Variants in DMRTA1 observed in about 807,000 individuals in gnomAD.
DMRTA1 encodes the protein DMRT like family A1, also known as doublesex- and mab-3-related transcription factor A1.
A neutral mutation model predicts 35.2 loss-of-function variants in DMRTA1; 34 were observed. The observed-to-expected ratio is 0.97, with a 90% confidence interval of 0.74 to 1.29. The LOEUF (loss-of-function observed/expected upper bound fraction) is 1.29. DMRTA1 is among the 50% of genes most tolerant of loss of function. The pLI, the probability that DMRTA1 is intolerant of heterozygous loss-of-function variation, is 0.00. For missense variants in DMRTA1, 824 were observed against 644.6 expected (o/e 1.28, Z -3.01); for synonymous variants, 344 against 276.6 (o/e 1.24, Z -2.42).
chr9:22,449,355 T>C (rs774185947), intron 1 of DMRTA1, among the ~76,000 whole-genome samples: 1 of 152,108 alleles, frequency 6.6e-6, no homozygotes, highest in Non-Finnish European at 1.5e-5. Context: ...TAATATACAA[T>C]GATAAATGCA....
chr9:22,451,307 A>G lies in DMRTA1; in HGVS notation c.911A>G (p.Asn304Ser). 1 of 1,614,148 alleles carries G rather than the reference A, an allele frequency of 6.2e-7. No homozygotes were observed. The highest frequency in any genetic ancestry group is 2.2e-5 in the East Asian group (1 of 44,886). Residue 304 changes from asparagine (N) to serine (S), a missense_variant, in exon 2 of 2, where the codon AAT (asparagine) becomes AGT (serine). By Grantham distance (46) the Asn-to-Ser change is conservative. Coordinates refer to ENST00000325870, the MANE Select transcript of DMRTA1 (RefSeq NM_022160.3). ...TCATCCTCTGATCTGGAATCAGGAA[A>G]TGAAAGTGAATGGGTCAAAGACTTG... ...SLSSSDLESG[N>S]ESEWVKDLTA... is the part of the protein sequence containing the mutation.
In DMRTA1 at chr9:22,452,059, C is replaced by G; in HGVS notation, c.*148C>G. The G allele has an allele frequency of 1.2e-6, 1 of 865,970 alleles. No homozygotes were observed. Among genetic ancestry groups the G allele is most frequent in the Non-Finnish European group, 1.7e-6 (1 of 590,216 alleles). The allele number at this position is 865,970 out of a possible 1,614,324, so 53.6% of individuals were successfully genotyped here. A position where few individuals can be genotyped will look rare whatever the true frequency, so the allele number is the denominator to read the frequency against. On this transcript the variant is annotated 3_prime_UTR_variant, in exon 2 of 2. Transcript: ENST00000325870. Reference sequence around the variant, plus strand: ...AATGCTGGGTTTTTTTTTTTTCAAGCAATATAATAGGTCTTAGATCTGAAA... The same window carrying G: ...AATGCTGGGTTTTTTTTTTTTCAAGGAATATAATAGGTCTTAGATCTGAAA...
intron 1 of DMRTA1, among the ~76,000 whole-genome samples, chr9:22,448,119 A>C (rs2117951774): frequency 2.0e-5 from 3 of 152,094 alleles, no homozygotes; most frequent in Non-Finnish European, 4.4e-5. Context: ...TCTGCTCTGT[A>C]CTCTTTCCAG....
In DMRTA1 at chr9:22,451,684, C is replaced by G. The variant is rs1280746328; in HGVS notation, c.1288C>G (p.Pro430Ala). Residue 430 changes from proline (P) to alanine (A), a missense_variant, in exon 2 of 2, where the codon CCT becomes GCT. Pro to Ala is a conservative substitution (Grantham distance 27, BLOSUM62 -1). Transcript: ENST00000325870. ...TGATTCAAGTCTCTACGGCGTAAATCCTAGAGTAGGTATCAGTCCATTAAG... is the reference window on the plus strand; with the variant it reads ...TGATTCAAGTCTCTACGGCGTAAATGCTAGAGTAGGTATCAGTCCATTAAG... ...GGDSSLYGVN[P>A]RVGISPLRLA... 6.2e-7 allele frequency: 1 copy of G among 1,613,948 alleles called. No individual in the cohort carries two copies. The highest frequency in any genetic ancestry group is 1.3e-5 in the African/African-American group (1 of 74,908).
Position 22,447,376 on chromosome 9 carries a change from G to T in DMRTA1, c.311G>T (p.Gly104Val). 1 of 1,551,280 alleles carries T rather than the reference G, an allele frequency of 6.4e-7. No homozygotes were observed. Among genetic ancestry groups the T allele is most frequent in the South Asian group, 1.2e-5 (1 of 84,366 alleles). Residue 104 changes from glycine (G) to valine (V), a missense_variant, in exon 1 of 2, where the codon GGT becomes GTT. Physicochemically the swap from Gly to Val is moderately radical, Grantham distance 109. Transcript: ENST00000325870. ...AAGTGCGCCCGCTGTCGTAACCATG[G>T]TGTGGTGTCAGCGCTCAAGGGCCAC... is the stretch of plus-strand genomic sequence containing the variant. ...TPKCARCRNHGVVSALKGHKR... is the reference protein window; with the variant it reads ...TPKCARCRNHVVVSALKGHKR...
In DMRTA1 at chr9:22,451,894, A is replaced by C; in HGVS notation, c.1498A>C (p.Asn500His). 2 of 1,613,894 alleles carry C rather than the reference A, an allele frequency of 1.2e-6. No homozygotes were observed. Among genetic ancestry groups the C allele is most frequent in the Non-Finnish European group, 1.7e-6 (2 of 1,179,832 alleles). The change falls in exon 2 of 2, where the codon AAT becomes CAT. Residue 500 changes from asparagine (N) to histidine (H), a missense_variant. Asn to His is a moderately conservative substitution (Grantham distance 68). Coordinates refer to ENST00000325870, the MANE Select transcript of DMRTA1 (RefSeq NM_022160.3). The part of the protein sequence containing the change: ...ITCGRLYFRP[N>H]QDNP ...TTGTGGCAGACTGTACTTCAGACCAAATCAGGACAATCCGTAATGTATATG... is the reference window on the plus strand; with the variant it reads ...TTGTGGCAGACTGTACTTCAGACCACATCAGGACAATCCGTAATGTATATG...
chr9:22,447,686 C>T lies in DMRTA1; in HGVS notation c.621C>T (p.Thr207=), dbSNP rs147859516. The T allele has an allele frequency of 2.7e-4, 438 of 1,613,152 alleles. 3 individuals are homozygous for T. In the East Asian group the frequency reaches 9.5e-3, roughly 35 times the overall value. Residue 207 remains threonine (T), a synonymous_variant, in exon 1 of 2, where the codon ACC becomes ACT. Coordinates refer to ENST00000325870, the MANE Select transcript of DMRTA1 (RefSeq NM_022160.3). ...TGAGACAGGCCAGTGGTTCCGCGAC[C>T]CCCGCTTTCGAAGTTTTCCAGCAAG... ...GALRQASGSA[T]PAFEVFQQDY... is the part of the protein sequence containing the mutation.
At position 22,447,355 on chromosome 9, in the gene DMRTA1, G is replaced by A; in HGVS notation, c.290G>A (p.Cys97Tyr). 6.5e-7 allele frequency: 1 copy of A among 1,536,284 alleles called. No homozygotes were observed. Among genetic ancestry groups the A allele is most frequent in the Non-Finnish European group, 8.7e-7 (1 of 1,145,836 alleles). Residue 97 changes from cysteine to tyrosine, a missense_variant, in exon 1 of 2, where the codon TGC (cysteine) becomes TAC (tyrosine). Transcript: ENST00000325870. ...VGCGYPRTPKCARCRNHGVVS... is the reference protein window; with the variant it reads ...VGCGYPRTPKYARCRNHGVVS... ...TGCGGCTACCCGCGGACGCCCAAGT[G>A]CGCCCGCTGTCGTAACCATGGTGTG...
Position 22,447,690 on chromosome 9 carries a change from G to A in DMRTA1, c.625G>A (p.Ala209Thr). Residue 209 changes from alanine (A) to threonine (T), a missense_variant, in exon 1 of 2, where the codon GCT becomes ACT. Coordinates refer to ENST00000325870, the MANE Select transcript of DMRTA1 (RefSeq NM_022160.3). ...ACAGGCCAGTGGTTCCGCGACCCCCGCTTTCGAAGTTTTCCAGCAAGATTA... is the reference window on the plus strand; with the variant it reads ...ACAGGCCAGTGGTTCCGCGACCCCCACTTTCGAAGTTTTCCAGCAAGATTA... Reference protein sequence around the residue: ...LRQASGSATPAFEVFQQDYPE... With the variant: ...LRQASGSATPTFEVFQQDYPE... 1 of 1,613,200 alleles carries A rather than the reference G, an allele frequency of 6.2e-7. No individual in the cohort carries two copies. Among genetic ancestry groups the A allele is most frequent in the Non-Finnish European group, 8.5e-7 (1 of 1,180,002 alleles).
chr9:22,451,611 T>C lies in DMRTA1; in HGVS notation c.1215T>C (p.Asn405=), dbSNP rs372803240. The stretch of plus-strand genomic sequence containing the variant: ...GAATTGGTTTTGGAACTCTAGGTAA[T>C]AAATCAGCTTTCTCTCCTCTTCAAA... ...LAGIGFGTLG[N]KSAFSPLQTT... Residue 405 remains asparagine (N), a synonymous_variant, in exon 2 of 2, where the codon AAT becomes AAC. Transcript: ENST00000325870. The C allele has an allele frequency of 1.8e-5, 29 of 1,614,038 alleles. No homozygotes were observed. Among genetic ancestry groups the C allele is most frequent in the Non-Finnish European group, 2.3e-5 (27 of 1,179,986 alleles).
intron 1 of DMRTA1, among the ~76,000 whole-genome samples, chr9:22,449,354 A>G (rs562718283): frequency 6.6e-6 from 1 of 152,328 alleles, no homozygotes; most frequent in African/African-American, 2.4e-5. Context: ...TTAATATACA[A>G]TGATAAATGC....
Position 22,451,642 on chromosome 9 carries a change from T to C in DMRTA1, c.1246T>C (p.Ser416Pro). The change falls in exon 2 of 2, where the codon TCT becomes CCT. Residue 416 changes from serine (S) to proline (P), a missense_variant. Ser to Pro is a moderately conservative substitution (Grantham distance 74). Coordinates refer to ENST00000325870, the MANE Select transcript of DMRTA1 (RefSeq NM_022160.3). ...AGCTTTCTCTCCTCTTCAAACTACTTCTGCTTCTTATGGAGGTGATTCAAG... is the reference window on the plus strand; with the variant it reads ...AGCTTTCTCTCCTCTTCAAACTACTCCTGCTTCTTATGGAGGTGATTCAAG... ...KSAFSPLQTT[S>P]ASYGGDSSLY... is the part of the protein sequence containing the mutation. 6.2e-7 allele frequency: 1 copy of C among 1,614,136 alleles called. No homozygotes were observed. The highest frequency in any genetic ancestry group is 2.2e-5 in the East Asian group (1 of 44,882).
At chr9:22,447,839 G>A in intron 1 of DMRTA1, 107 bp downstream of exon 1, 1 of 1,364,292 alleles carries the variant, frequency 7.3e-7, no homozygotes, top group Admixed American at 2.1e-5. Flanking sequence ...TTGTTTAAAA[G>A]AAACACTTTA....
rs1332078554 is a variant in DMRTA1 at position 22,454,635 on chromosome 9, C to G, written c.*2724C>G. ...ATGGATGCTGCTTGAAGCCTGAACT[C>G]CTAAGCCACTAATTAGTGGTGGGAA... On this transcript the variant is annotated 3_prime_UTR_variant, in exon 2 of 2. Transcript: ENST00000325870. 2 of 152,098 alleles carry G rather than the reference C, an allele frequency of 1.3e-5. No individual in the cohort carries two copies. Among genetic ancestry groups the G allele is most frequent in the Non-Finnish European group, 2.9e-5 (2 of 68,004 alleles). The allele number at this position is 152,098 out of a possible 1,614,324, so 9.4% of individuals were successfully genotyped here. A position where few individuals can be genotyped will look rare whatever the true frequency, so the allele number is the denominator to read the frequency against.
Position 22,447,011 on chromosome 9 carries a change from T to C in DMRTA1, c.-55T>C. 6.4e-7 allele frequency: 1 copy of C among 1,567,262 alleles called. No homozygotes were observed. Among genetic ancestry groups the C allele is most frequent in the African/African-American group, 1.4e-5 (1 of 72,530 alleles). ...GGCTTCCCCAGCCTCCCAGCAGGGT[T>C]AGCTGCGGTCAGCGCACTTTCCACT... is the stretch of plus-strand genomic sequence containing the variant. On this transcript the variant is annotated 5_prime_UTR_variant, in exon 1 of 2. Coordinates refer to ENST00000325870, the MANE Select transcript of DMRTA1 (RefSeq NM_022160.3).
At position 22,451,270 on chromosome 9, in the gene DMRTA1, C is replaced by T. The variant is rs142995523; in HGVS notation, c.874C>T (p.Pro292Ser). ...PGEQSGGEES[P>S]RSLSSSDLES... ...AGAGCAATCAGGAGGTGAAGAGAGT[C>T]CCAGGTCCTTATCATCCTCTGATCT... The change falls in exon 2 of 2, where the codon CCC becomes TCC. Residue 292 changes from proline (P) to serine (S), a missense_variant. Physicochemically the swap from Pro to Ser is moderately conservative, Grantham distance 74. Transcript: ENST00000325870. 5.2e-4 allele frequency: 833 copies of T among 1,613,946 alleles called. 3 individuals are homozygous for T. Among genetic ancestry groups the T allele is most frequent in the Non-Finnish European group, 6.8e-4 (806 of 1,179,958 alleles).
At chr9:22,448,502 C>T (rs1319553263) in intron 1 of DMRTA1, among the ~76,000 whole-genome samples, 1 of 152,056 alleles carries the variant, frequency 6.6e-6, no homozygotes, top group African/African-American at 2.4e-5. Flanking sequence ...TATTTTTTGA[C>T]TGCGAGTCAG....
rs1818982594 is a variant in DMRTA1 at position 22,454,956 on chromosome 9, A to G, written c.*3045A>G. 1 of 152,192 alleles carries G rather than the reference A, an allele frequency of 6.6e-6. No homozygotes were observed. The highest frequency in any genetic ancestry group is 1.5e-5 in the Non-Finnish European group (1 of 68,022). 9.4% of individuals were successfully genotyped at this position (152,192 alleles called of 1,614,324 possible). A position where few individuals can be genotyped will look rare whatever the true frequency, so the allele number is the denominator to read the frequency against. Reference sequence around the variant, plus strand: ...AATCATTTTGTAGCTCATTAGAAACATGGAAAGTATTTGTTAAATAAATAA... The same window carrying G: ...AATCATTTTGTAGCTCATTAGAAACGTGGAAAGTATTTGTTAAATAAATAA... On this transcript the variant is annotated 3_prime_UTR_variant, in exon 2 of 2. Transcript: ENST00000325870.
chr9:22,446,880 T>A lies in DMRTA1; in HGVS notation c.-186T>A. The A allele has an allele frequency of 1.4e-6, 1 of 698,104 alleles. No homozygotes were observed. Among genetic ancestry groups the A allele is most frequent in the Non-Finnish European group, 2.3e-6 (1 of 441,224 alleles). The allele number at this position is 698,104 out of a possible 1,614,324, so 43.2% of individuals were successfully genotyped here. A position where few individuals can be genotyped will look rare whatever the true frequency, so the allele number is the denominator to read the frequency against. On this transcript the variant is annotated 5_prime_UTR_variant, in exon 1 of 2. Coordinates refer to ENST00000325870, the MANE Select transcript of DMRTA1 (RefSeq NM_022160.3). ...CGGGACAGCTGCACCTCTCAGCGTC[T>A]CCAGCTCCAGGACGCGGTCGTCCCA...
Sources: allele counts gnomAD v4.1 joint callset (sites outside exome capture counted in the v4.1 genomes callset), GRCh38; gene constraint gnomAD v4.1.1; transcripts MANE v1.5; gene names NCBI Gene and HGNC (gene_info 2026-07-23, HGNC 2026-07-21).